The following CHRM3 variants were observed in gnomAD, a reference collection of about 807,000 sequenced individuals.
The protein encoded by CHRM3 is cholinergic receptor muscarinic 3, also known as muscarinic acetylcholine receptor M3.
A neutral mutation model predicts 41.8 loss-of-function variants in CHRM3; 11 were observed. The observed-to-expected ratio is 0.26, with a 90% CI of 0.17 to 0.44. CHRM3 has a LOEUF of 0.44. CHRM3 is among the 20% of genes least tolerant of loss of function. The probability of loss-of-function intolerance (pLI) is 1.00; values close to 1 mark genes in which losing one functional copy is unlikely to be tolerated. For synonymous variants in CHRM3, 297 were observed against 301.4 expected, an observed-to-expected ratio of 0.99 and a Z score of 0.15; for missense variants, 571 against 745.4, an observed-to-expected ratio of 0.77 and a Z score of 2.72.
intron 5 of CHRM3, among the ~76,000 whole-genome samples, chr1:239,803,683 G>A (rs1670390013): frequency 6.6e-6 from 1 of 152,134 alleles, no homozygotes; most frequent in Non-Finnish European, 1.5e-5. Context: ...TCCCCTTCAT[G>A]TGAATTTTAT....
intron 3 of CHRM3, among the ~76,000 whole-genome samples, chr1:239,590,647 A>G (rs558964775): frequency 6.6e-6 from 1 of 152,238 alleles, no homozygotes; most frequent in East Asian, 1.9e-4. Flanking sequence ...ATTTTATCCC[A>G]ATTCTTCATG....
At position 239,881,145 on chromosome 1, in the gene CHRM3, T is replaced by C. The variant is rs193177569; in HGVS notation, c.-19-26288T>C. 1.9e-4 allele frequency among the ~76,000 whole-genome samples: 28 copies of C among 149,850 alleles called. No individual in the cohort carries two copies. The East Asian group carries it at 4.1e-3, about 22-fold the overall frequency. On this transcript the variant is annotated intron_variant, in intron 6 of 6. Transcript: ENST00000676153. ...AAAAATACAAAAAATTAGCCGGGCGTGGTGGTGGGCGCCTGTAGTCCCAGC... is the reference window on the plus strand; with the variant it reads ...AAAAATACAAAAAATTAGCCGGGCGCGGTGGTGGGCGCCTGTAGTCCCAGC...
intron 5 of CHRM3, among the ~76,000 whole-genome samples, chr1:239,695,024 T>G (rs1313155643): frequency 6.6e-6 from 1 of 152,194 alleles, no homozygotes. Flanking sequence ...ACAATTTTAT[T>G]TTTTTGAGAC....
Position 239,575,566 on chromosome 1 carries a change from G to A in CHRM3, c.-313+29817G>A, listed in dbSNP as rs183431146. ...GGTTGAGCCAGTTTTTTTGGGTTCT[G>A]TGCTAAAATACGACTCCATTCTAGA... is the stretch of plus-strand genomic sequence containing the variant. On this transcript the variant is annotated intron_variant, in intron 3 of 6. Transcript: ENST00000676153. 1.9e-3 allele frequency among the ~76,000 whole-genome samples: 296 copies of A among 152,072 alleles called. 1 individual carries two copies. The highest frequency in any genetic ancestry group is 4.2e-3 in the Admixed American group (64 of 15,258).
rs1558230580 is a variant in CHRM3 at position 239,907,704 on chromosome 1, G to A, written c.253G>A (p.Gly85Ser). Residue 85 changes from glycine to serine, a missense_variant, in exon 7 of 7, where the codon GGC becomes AGC. This residue lies in a region of CHRM3 where 153 missense variants were observed against 296.3 expected (regional missense o/e 0.52). Transcript: ENST00000676153. This position sits in a 1 kb window ranked among gnomAD's most constrained non-coding sequence, Gnocchi z 5.4. Reference protein sequence around the residue: ...TGILALVTIIGNILVIVSFKV... With the variant: ...TGILALVTIISNILVIVSFKV... ...CATCCTGGCCTTGGTGACCATCATC[G>A]GCAACATCCTGGTAATTGTGTCATT... 6.2e-7 allele frequency: 1 copy of A among 1,614,064 alleles called. No homozygotes were observed. The highest frequency in any genetic ancestry group is 8.5e-7 in the Non-Finnish European group (1 of 1,180,024).
At chr1:239,807,456 A>G (rs1670744546) in intron 5 of CHRM3, among the ~76,000 whole-genome samples, 1 of 152,226 alleles carries the variant, frequency 6.6e-6, no homozygotes, top group South Asian at 2.1e-4. Context: ...CATTAAGCCC[A>G]TAAATAGGAA....
intron 2 of CHRM3, among the ~76,000 whole-genome samples, chr1:239,540,235 C>T (rs1658632150): frequency 6.6e-6 from 1 of 152,158 alleles, no homozygotes; most frequent in South Asian, 2.1e-4. Context: ...TTTATCTTAA[C>T]AAAATGTTAA....
At chr1:239,436,506 G>A (rs1171375407) in intron 1 of CHRM3, among the ~76,000 whole-genome samples, 2 of 151,920 alleles carry the variant, frequency 1.3e-5, no homozygotes, top group African/African-American at 4.8e-5. Flanking sequence ...TGTGCAGTCT[G>A]GAGATAACAT....
intron 4 of CHRM3, among the ~76,000 whole-genome samples, chr1:239,636,000 A>C (rs532548625): frequency 1.3e-5 from 2 of 152,322 alleles, no homozygotes; most frequent in South Asian, 4.1e-4. Context: ...TAGGAAGAAG[A>C]ACAGAAGGAC....
At chr1:239,703,500 T>A (rs1660872211) in intron 5 of CHRM3, 3 of 152,180 alleles carry the variant, frequency 2.0e-5, no homozygotes, top group Admixed American at 2.0e-4. Flanking sequence ...TTATTTTCTT[T>A]TATCCTTTCC....
intron 3 of CHRM3, among the ~76,000 whole-genome samples, chr1:239,620,377 A>C (rs974061051): frequency 2.0e-5 from 3 of 152,226 alleles, no homozygotes; most frequent in Non-Finnish European, 4.4e-5. Flanking sequence ...AGAGATAATA[A>C]ATAGATACAT....
At chr1:239,517,704 C>T (rs1250758625) in intron 2 of CHRM3, among the ~76,000 whole-genome samples, 1 of 152,056 alleles carries the variant, frequency 6.6e-6, no homozygotes, top group Admixed American at 6.6e-5. Context: ...CCAGGCACTA[C>T]TTTTATCTTT....
At chr1:239,776,806 G>A (rs1313880009) in intron 5 of CHRM3, among the ~76,000 whole-genome samples, 1 of 152,162 alleles carries the variant, frequency 6.6e-6, no homozygotes, top group Admixed American at 6.5e-5. Context: ...GGAAGGGGAA[G>A]CAAACATGTC....
At chr1:239,402,915 G>A (rs1660099504) in intron 1 of CHRM3, among the ~76,000 whole-genome samples, 1 of 152,126 alleles carries the variant, frequency 6.6e-6, no homozygotes, top group Non-Finnish European at 1.5e-5. Flanking sequence ...CTGAGCATGA[G>A]GCAAATTCAA....
At chr1:239,896,897 G>T (rs979293880) in intron 6 of CHRM3, among the ~76,000 whole-genome samples, 1 of 152,140 alleles carries the variant, frequency 6.6e-6, no homozygotes, top group South Asian at 2.1e-4. Flanking sequence ...GCTCTTGTTA[G>T]GCATGAAAAA....
chr1:239,814,168 T>C (rs1455929423), intron 5 of CHRM3, among the ~76,000 whole-genome samples: 4 of 152,188 alleles, frequency 2.6e-5, no homozygotes, highest in Non-Finnish European at 1.5e-5. Context: ...GGACGAGAAG[T>C]CAAATTGTTA....
chr1:239,654,081 C>T (rs1334050284), intron 4 of CHRM3, among the ~76,000 whole-genome samples: 1 of 152,186 alleles, frequency 6.6e-6, no homozygotes, highest in Non-Finnish European at 1.5e-5. Flanking sequence ...CCCATGTCAG[C>T]CTCTTGAGTA....
intron 1 of CHRM3, among the ~76,000 whole-genome samples, chr1:239,421,936 A>C (rs1661986661): frequency 6.6e-6 from 1 of 152,170 alleles, no homozygotes; most frequent in Non-Finnish European, 1.5e-5. Context: ...ACACTGTAGA[A>C]TGTGCAAAAT....
chr1:239,686,376 G>C (rs938655127), intron 5 of CHRM3, among the ~76,000 whole-genome samples: 1 of 152,104 alleles, frequency 6.6e-6, no homozygotes. Context: ...CAGTATACTT[G>C]CATGTGCTGC....
Sources: gnomAD v4.1 joint callset for allele counts (sites outside exome capture counted in the v4.1 genomes callset) on GRCh38, gnomAD v4.1.1 for gene constraint, gnomAD v4.1.1 regional missense constraint, Gnocchi (gnomAD v3.1) non-coding constraint, MANE v1.5 for transcripts, NCBI Gene and HGNC (gene_info 2026-07-23, HGNC 2026-07-21) for gene names.